WDFY4: variants seen among roughly 807,000 people sequenced by gnomAD.
WDFY4 encodes the protein WD repeat- and FYVE domain-containing protein 4.
In WDFY4, 169 loss-of-function variants were observed where a neutral mutation model predicts 351.9. The ratio of observed to expected loss-of-function variants is 0.48; its 90% confidence interval spans 0.42 to 0.55. WDFY4 has a LOEUF of 0.55. Among genes scored for constraint, WDFY4 ranks in the 20% least tolerant of loss-of-function variants. The pLI is 0.00. For missense variants in WDFY4, 3,803 were observed against 3,935.6 expected, an observed-to-expected ratio of 0.97 and a Z score of 0.90; for synonymous variants, 1,622 against 1,574.6, an observed-to-expected ratio of 1.03 and a Z score of -0.71.
Position 48,959,820 on chromosome 10 carries a change from C to G in WDFY4, c.8223+7C>G. 3.2e-6 allele frequency: 5 copies of G among 1,546,174 alleles called. No homozygotes were observed. The highest frequency in any genetic ancestry group is 4.4e-6 in the Non-Finnish European group (5 of 1,143,726). The stretch of plus-strand genomic sequence containing the variant: ...CATCAGCCTGCACAGAAAGGTGAGT[C>G]AGGCCAGGACCCCTGGTATCCTGCT... On this transcript the variant is annotated splice_region_variant and intron_variant, in intron 53 of 61. Coordinates refer to ENST00000325239, the MANE Select transcript of WDFY4 (RefSeq NM_001394531.1).
intron 47 of WDFY4, among the ~76,000 whole-genome samples, chr10:48,908,061 C>T (rs1195036902): frequency 6.6e-6 from 1 of 152,198 alleles, no homozygotes; most frequent in African/African-American, 2.4e-5. Flanking sequence ...TGGCCGTGGC[C>T]CCATTCCATG....
chr10:48,973,880 T>C (rs1439787822), intron 57 of WDFY4, among the ~76,000 whole-genome samples: 1 of 152,070 alleles, frequency 6.6e-6, no homozygotes, highest in Non-Finnish European at 1.5e-5. Context: ...CGTCTAAGTG[T>C]CCCAGTGGCT....
At chr10:48,869,059 G>A (rs1246922392) in intron 40 of WDFY4, among the ~76,000 whole-genome samples, 1 of 152,184 alleles carries the variant, frequency 6.6e-6, no homozygotes, top group Admixed American at 6.5e-5. Flanking sequence ...TAATCCACAA[G>A]GATACTTTCC....
chr10:48,698,559 G>A (rs953726761), intron 1 of WDFY4, among the ~76,000 whole-genome samples: 5 of 152,144 alleles, frequency 3.3e-5, no homozygotes, highest in African/African-American at 1.2e-4. Flanking sequence ...GCCCTCTGTC[G>A]ACCGTATCAT....
intron 1 of WDFY4, among the ~76,000 whole-genome samples, chr10:48,691,716 A>G (rs2063201131): frequency 6.6e-6 from 1 of 152,250 alleles, no homozygotes; most frequent in African/African-American, 2.4e-5. Flanking sequence ...TAGCGCTCTA[A>G]TATCGACTTT....
At chr10:48,851,469 T>C (rs117253880) in intron 39 of WDFY4, among the ~76,000 whole-genome samples, 112 of 152,294 alleles carry the variant, frequency 7.4e-4, no homozygotes, top group Non-Finnish European at 1.3e-3. Flanking sequence ...TCATGGCCAA[T>C]ACAGTGCAGG....
At chr10:48,712,743 G>T (rs1460395805) in intron 2 of WDFY4, among the ~76,000 whole-genome samples, 1 of 152,198 alleles carries the variant, frequency 6.6e-6, no homozygotes, top group Admixed American at 6.5e-5. Context: ...AGATAAGCTT[G>T]TAACCACTCT....
chr10:48,734,113 A>C, intron 10 of WDFY4, 78 bp downstream of exon 10: 1 of 1,286,208 alleles, frequency 7.8e-7, no homozygotes, highest in Non-Finnish European at 1.1e-6. Flanking sequence ...GGCAGTGTTC[A>C]CAGGTTATAC....
At chr10:48,956,387 G>T (rs528239997) in intron 51 of WDFY4, among the ~76,000 whole-genome samples, 1 of 152,152 alleles carries the variant, frequency 6.6e-6, no homozygotes, top group East Asian at 1.9e-4. Context: ...CTCTCTTATC[G>T]AAGCCAAGAC....
chr10:48,843,966 G>A (rs918330792), intron 39 of WDFY4, among the ~76,000 whole-genome samples: 3 of 152,100 alleles, frequency 2.0e-5, no homozygotes, highest in Non-Finnish European at 4.4e-5. Flanking sequence ...AAGATAAAAC[G>A]GCAGATGGCC....
intron 17 of WDFY4, among the ~76,000 whole-genome samples, chr10:48,777,911 C>T (rs2066086913): frequency 6.6e-6 from 1 of 152,194 alleles, no homozygotes. Context: ...AAAATTGGCT[C>T]ATTTCGCTGG....
chr10:48,946,680 C>T (rs1020210613), intron 50 of WDFY4, among the ~76,000 whole-genome samples, 180 bp from the exon 51 acceptor site: 1 of 152,350 alleles, frequency 6.6e-6, no homozygotes, highest in East Asian at 1.9e-4. Flanking sequence ...AGACGTTTTG[C>T]CACATTCACG....
intron 39 of WDFY4, among the ~76,000 whole-genome samples, chr10:48,839,950 G>A (rs1484421817): frequency 6.6e-6 from 1 of 152,170 alleles, no homozygotes; most frequent in Non-Finnish European, 1.5e-5. Context: ...CTTGGCTCTT[G>A]GTGCTTTTCC....
intron 2 of WDFY4, among the ~76,000 whole-genome samples, chr10:48,713,088 C>T (rs2063808666): frequency 1.3e-5 from 2 of 152,210 alleles, no homozygotes; most frequent in African/African-American, 4.8e-5. Context: ...GTCACTTCTG[C>T]TCGGAAAGGC....
At chr10:48,910,409 A>T in intron 47 of WDFY4, 2 of 719,772 alleles carry the variant, frequency 2.8e-6, no homozygotes, top group East Asian at 2.5e-5. Flanking sequence ...GTATTTGAGG[A>T]AAGAGAACAC....
chr10:48,750,652 TTTC>T (rs2065155240), intron 12 of WDFY4, among the ~76,000 whole-genome samples: 2 of 152,232 alleles, frequency 1.3e-5, no homozygotes, highest in African/African-American at 2.4e-5. Flanking sequence ...TCTTCCTTGG[TTTC>T]TTATTTCTTT....
intron 13 of WDFY4, among the ~76,000 whole-genome samples, chr10:48,771,891 T>C (rs2065877094): frequency 6.6e-6 from 1 of 152,182 alleles, no homozygotes; most frequent in Non-Finnish European, 1.5e-5. Context: ...AAGCTCTTAC[T>C]GGGTGGTGTA....
intron 35 of WDFY4, chr10:48,823,153 G>T: frequency 7.7e-7 from 1 of 1,298,436 alleles, no homozygotes; most frequent in Non-Finnish European, 1.0e-6. Context: ...CAAAATTCCA[G>T]CATTGAAAGA....
intron 39 of WDFY4, among the ~76,000 whole-genome samples, chr10:48,842,418 A>G (rs1332891988): frequency 6.6e-6 from 1 of 152,064 alleles, no homozygotes; most frequent in Non-Finnish European, 1.5e-5. Flanking sequence ...AGCAGTCGCC[A>G]GGTGTGTCCT....
Sources: allele counts gnomAD v4.1 joint callset (sites outside exome capture counted in the v4.1 genomes callset), GRCh38; gene constraint gnomAD v4.1.1; transcripts MANE v1.5; gene names NCBI Gene and HGNC (gene_info 2026-07-23, HGNC 2026-07-21).